DDAH1: variants seen among roughly 807,000 people sequenced by gnomAD.
DDAH1 encodes the protein dimethylarginine dimethylaminohydrolase 1.
DDAH1 carries 19 observed loss-of-function variants against 28.8 expected under a neutral mutation model. That is an observed-to-expected ratio of 0.66 (90% CI 0.46 to 0.97). DDAH1 has a LOEUF of 0.97. Ranked by LOEUF, DDAH1 falls within the 50% of genes least tolerant of loss-of-function variation. DDAH1 has a pLI of 0.00. For synonymous variants in DDAH1, 153 were observed against 154.4 expected (o/e 0.99, Z 0.07); for missense variants, 326 against 375.9 (o/e 0.87, Z 1.10).
At chr1:85,577,624 A>C (rs886190034) in intron 1 of DDAH1, among the ~76,000 whole-genome samples, 2 of 152,060 alleles carry the variant, frequency 1.3e-5, no homozygotes, top group Non-Finnish European at 2.9e-5. Flanking sequence ...GAACCCAGAG[A>C]ACCATTCATT....
intron 2 of DDAH1, among the ~76,000 whole-genome samples, chr1:85,486,266 T>C (rs1411436166): frequency 6.6e-6 from 1 of 152,086 alleles, no homozygotes; most frequent in African/African-American, 2.4e-5. Context: ...AGAAGTAAAA[T>C]GCTGTTAAAC....
intron 1 of DDAH1, among the ~76,000 whole-genome samples, chr1:85,457,407 C>T (rs1654935179): frequency 6.6e-6 from 1 of 152,032 alleles, no homozygotes; most frequent in Non-Finnish European, 1.5e-5. Flanking sequence ...TAAAATCTGC[C>T]CCCGTGTTCT....
At chr1:85,476,792 T>C (rs935748088) in intron 2 of DDAH1, among the ~76,000 whole-genome samples, 2 of 152,212 alleles carry the variant, frequency 1.3e-5, no homozygotes, top group Non-Finnish European at 2.9e-5. Flanking sequence ...GTTCTGTTAT[T>C]CTTCCAAGAT....
intron 1 of DDAH1, among the ~76,000 whole-genome samples, chr1:85,543,491 T>C (rs1570661093): frequency 6.6e-6 from 1 of 152,136 alleles, no homozygotes; most frequent in African/African-American, 2.4e-5. Flanking sequence ...AGTTGATCAC[T>C]TCAAGGAAAC....
chr1:85,531,893 C>T (rs11161627), intron 1 of DDAH1, among the ~76,000 whole-genome samples: 1 of 151,248 alleles, frequency 6.6e-6, no homozygotes, highest in East Asian at 1.9e-4. Flanking sequence ...TAGAAAAAGG[C>T]AGGGCTGGAA....
At chr1:85,416,124 T>C (rs1652874818) in intron 1 of DDAH1, among the ~76,000 whole-genome samples, 2 of 152,220 alleles carry the variant, frequency 1.3e-5, no homozygotes, top group Non-Finnish European at 2.9e-5. Context: ...CATATTTGCA[T>C]ATAATTTACT....
intron 1 of DDAH1, among the ~76,000 whole-genome samples, chr1:85,372,971 C>CA (rs908012448): frequency 1.5e-5 from 2 of 131,374 alleles, no homozygotes; most frequent in Admixed American, 1.5e-4. Context: ...AATCTGTCGG[C>CA]AAAAAACCAC....
intron 1 of DDAH1, among the ~76,000 whole-genome samples, chr1:85,394,993 T>G (rs537176132): frequency 6.6e-6 from 1 of 152,286 alleles, no homozygotes; most frequent in Non-Finnish European, 1.5e-5. Flanking sequence ...CACTAGAAAT[T>G]AAGGTTACTA....
chr1:85,421,697 T>C (rs931849251), intron 1 of DDAH1, among the ~76,000 whole-genome samples: 4 of 152,248 alleles, frequency 2.6e-5, no homozygotes, highest in Non-Finnish European at 5.9e-5. Flanking sequence ...TCATACAGTA[T>C]GTAGCCTTTT....
At chr1:85,368,957 C>T (rs1650223800) in intron 1 of DDAH1, among the ~76,000 whole-genome samples, 1 of 152,004 alleles carries the variant, frequency 6.6e-6, no homozygotes, top group Non-Finnish European at 1.5e-5. Context: ...ATTAAGCTGC[C>T]CTAAAAGCCA....
chr1:85,397,581 C>T (rs1027805884), intron 1 of DDAH1, among the ~76,000 whole-genome samples: 1 of 152,148 alleles, frequency 6.6e-6, no homozygotes, highest in African/African-American at 2.4e-5. Flanking sequence ...TGGTAGAGTA[C>T]ACTTTTATAA....
chr1:85,448,220 C>T (rs192697262), intron 1 of DDAH1: 220 of 160,340 alleles, frequency 1.4e-3, no homozygotes, highest in African/African-American at 4.9e-3. Context: ...TCCAATGTGG[C>T]CCAGGGAAGC....
chr1:85,368,833 C>T (rs554708544), intron 1 of DDAH1, among the ~76,000 whole-genome samples: 7 of 152,176 alleles, frequency 4.6e-5, no homozygotes, highest in African/African-American at 1.4e-4. Flanking sequence ...AAATAGTACT[C>T]GAAGTGTTCA....
At chr1:85,546,918 T>C (rs1570664511) in intron 1 of DDAH1, among the ~76,000 whole-genome samples, 1 of 152,192 alleles carries the variant, frequency 6.6e-6, no homozygotes, top group East Asian at 1.9e-4. Context: ...TGTTTGGGGA[T>C]AGAAATAACT....
At chr1:85,393,310 C>A (rs12754419) in intron 1 of DDAH1, among the ~76,000 whole-genome samples, 1 of 152,250 alleles carries the variant, frequency 6.6e-6, no homozygotes, top group East Asian at 1.9e-4. Flanking sequence ...TGGGGACAGT[C>A]TCTCCCTCAA....
chr1:85,343,530 C>T (rs1375586119), intron 4 of DDAH1, among the ~76,000 whole-genome samples: 1 of 152,116 alleles, frequency 6.6e-6, no homozygotes, highest in African/African-American at 2.4e-5. Context: ...ATACAACAGC[C>T]AGATAGTAAG....
chr1:85,567,523 T>G (rs1053847247), intron 1 of DDAH1, among the ~76,000 whole-genome samples: 5 of 152,232 alleles, frequency 3.3e-5, no homozygotes, highest in Non-Finnish European at 5.9e-5. Flanking sequence ...TTGTGAGGCC[T>G]CTTTAGCCAT....
chr1:85,436,094 C>T (rs889499242), intron 1 of DDAH1, among the ~76,000 whole-genome samples: 1 of 152,034 alleles, frequency 6.6e-6, no homozygotes, highest in Non-Finnish European at 1.5e-5. Context: ...AGCCACCGCG[C>T]CCAGCCACTT....
intron 1 of DDAH1, among the ~76,000 whole-genome samples, chr1:85,534,988 G>A (rs1658225026): frequency 6.6e-6 from 1 of 152,046 alleles, no homozygotes; most frequent in South Asian, 2.1e-4. Flanking sequence ...AAAAGGAGGT[G>A]GCGTGGGAGT....
Sources: allele counts gnomAD v4.1 joint callset (sites outside exome capture counted in the v4.1 genomes callset), GRCh38; gene constraint gnomAD v4.1.1; transcripts MANE v1.5; gene names NCBI Gene and HGNC (gene_info 2026-07-23, HGNC 2026-07-21).